Variants in DNM2 observed in about 807,000 individuals in gnomAD.
The protein encoded by DNM2 is dynamin-2.
DNM2 carries 15 observed loss-of-function variants against 99.0 expected under a neutral mutation model. The ratio of observed to expected loss-of-function variants is 0.15; its 90% CI spans 0.10 to 0.23. The LOEUF is 0.23. DNM2 is among the 10% of genes least tolerant of loss of function. The pLI is 1.00. For synonymous variants in DNM2, 525 were observed against 481.2 expected (o/e 1.09, Z -1.19); for missense variants, 742 against 1,189.4 (o/e 0.62, Z 5.53).
intron 1 of DNM2, among the ~76,000 whole-genome samples, chr19:10,723,200 T>C (rs1261520109): frequency 6.6e-6 from 1 of 150,792 alleles, no homozygotes; most frequent in East Asian, 2.0e-4. Flanking sequence ...AATGGCACGA[T>C]CTTGGCTCAC....
intron 1 of DNM2, among the ~76,000 whole-genome samples, chr19:10,721,642 C>G (rs949770174): frequency 8.5e-5 from 13 of 152,080 alleles, no homozygotes; most frequent in African/African-American, 3.1e-4. Flanking sequence ...CTCCAGGGCT[C>G]AAGCAATCCT....
At position 10,764,661 on chromosome 19, in the gene DNM2, G is replaced by C. The variant is rs2070738668; in HGVS notation, c.235+4850G>C. Among the ~76,000 whole-genome samples, 1 of 152,172 alleles carries C rather than the reference G, an allele frequency of 6.6e-6. No individual in the cohort carries two copies. The highest frequency in any genetic ancestry group is 2.1e-4 in the South Asian group (1 of 4,826). On this transcript the variant is annotated intron_variant, in intron 2 of 20. Transcript: ENST00000389253. The surrounding 1 kb of genome is among the most constrained non-coding windows in gnomAD (Gnocchi z 4.1). ...AGAGATGTCAGGACCTGGCTCCAGG[G>C]CTTCCCATTGGCCTCAGAATCAAAT... is the stretch of plus-strand genomic sequence containing the variant.
In DNM2 at chr19:10,795,023, T is replaced by G. The variant is rs1009741844; in HGVS notation, c.1129-349T>G. Among the ~76,000 whole-genome samples, 2 of 152,112 alleles carry G rather than the reference T, an allele frequency of 1.3e-5. No individual in the cohort carries two copies. The highest frequency in any genetic ancestry group is 2.9e-5 in the Non-Finnish European group (2 of 68,032). On this transcript the variant is annotated intron_variant, in intron 8 of 20. Coordinates refer to ENST00000389253, the MANE Select transcript of DNM2 (RefSeq NM_001005361.3). The surrounding 1 kb of genome is among the most constrained non-coding windows in gnomAD (Gnocchi z 4.2). ...CAGCTTCGACCTTCCTGGGCTCGGA[T>G]GATCCTCCCACCTCAGCCTCCCGAG...
In DNM2 at chr19:10,718,651, G is replaced by C. The variant is rs75654370; in HGVS notation, c.161+248G>C. 3.4e-3 allele frequency: 1,339 copies of C among 395,232 alleles called. 13 individuals are homozygous for C. The highest frequency in any genetic ancestry group is 0.026 in the African/African-American group (1,220 of 47,320). The allele number at this position is 395,232 out of a possible 1,614,324, so 24.5% of individuals were successfully genotyped here. A position where few individuals can be genotyped will look rare whatever the true frequency, so the allele number is the denominator to read the frequency against. On this transcript the variant is annotated intron_variant, in intron 1 of 20. Transcript: ENST00000389253. ...CAGGGCGCCGTAGGACAGGAGGTGC[G>C]CTGGAACCCTGCGGTCCATCTGGTC...
At chr19:10,748,885 G>C (rs1164826673) in intron 1 of DNM2, among the ~76,000 whole-genome samples, 1 of 152,202 alleles carries the variant, frequency 6.6e-6, no homozygotes, top group African/African-American at 2.4e-5. Context: ...GCTCTTATCA[G>C]AGTCCTGAGA....
chr19:10,824,774 A>G (rs965885326), intron 17 of DNM2: 11 of 468,062 alleles, frequency 2.4e-5, no homozygotes, highest in Non-Finnish European at 1.6e-5. Flanking sequence ...GTGCCACTGC[A>G]CTGCAGCCTG....
intron 1 of DNM2, among the ~76,000 whole-genome samples, chr19:10,749,256 G>A (rs1485466678): frequency 6.6e-6 from 1 of 152,220 alleles, no homozygotes; most frequent in Non-Finnish European, 1.5e-5. Context: ...CCTCATAGGG[G>A]CTGGAAGTCA....
intron 1 of DNM2, among the ~76,000 whole-genome samples, chr19:10,725,913 C>G (rs1301723960): frequency 6.6e-6 from 1 of 152,042 alleles, no homozygotes; most frequent in Non-Finnish European, 1.5e-5. Context: ...GCCACCACAC[C>G]TGGCTAATTA....
Position 10,831,033 on chromosome 19 carries a change from T to C in DNM2, c.2599T>C (p.Ser867Pro). The C allele has an allele frequency of 6.2e-7, 1 of 1,609,140 alleles. No individual in the cohort carries two copies. The highest frequency in any genetic ancestry group is 8.5e-7 in the Non-Finnish European group (1 of 1,178,016). The stretch of plus-strand genomic sequence containing the variant: ...CACCATTATCCGCCCAGCCGAGCCA[T>C]CCCTGCTCGACTAGGCCTCGAGGGG... ...RPTIIRPAEP[S>P]LLD The change falls in exon 21 of 21, where the codon TCC (serine) becomes CCC (proline). Residue 867 changes from serine (S) to proline (P), a missense_variant. Transcript: ENST00000389253. This position sits in a 1 kb window ranked among gnomAD's most constrained non-coding sequence, Gnocchi z 4.3.
chr19:10,823,654 A>G (rs2073054061), intron 16 of DNM2, 134 bp from the exon 17 acceptor site: 1 of 793,128 alleles, frequency 1.3e-6, no homozygotes, highest in Non-Finnish European at 2.2e-6. Context: ...ACCCCTCAGC[A>G]TGACCAGGTG....
chr19:10,753,346 G>C (rs2070265137), intron 1 of DNM2, among the ~76,000 whole-genome samples: 1 of 151,750 alleles, frequency 6.6e-6, no homozygotes, highest in African/African-American at 2.4e-5. Context: ...GGTTGTCTTA[G>C]TCACAAAGTA....
In DNM2 at chr19:10,830,432, CTCCT is replaced by C; in HGVS notation, c.2543+55_2543+58del. On this transcript the variant is annotated intron_variant, in intron 20 of 20. Coordinates refer to ENST00000389253, the MANE Select transcript of DNM2 (RefSeq NM_001005361.3). The surrounding 1 kb of genome is among the most constrained non-coding windows in gnomAD (Gnocchi z 4.8). ...AACTGCCTGCACCCTGGGGTCTCTCCTCCTGTCTCACTTCCTCCCAGTGAGCTCT... is the reference window on the plus strand; with the variant it reads ...AACTGCCTGCACCCTGGGGTCTCTCCGTCTCACTTCCTCCCAGTGAGCTCT... 6.3e-7 allele frequency: 1 copy of C among 1,583,010 alleles called. No individual in the cohort carries two copies. Among genetic ancestry groups the C allele is most frequent in the Non-Finnish European group, 8.6e-7 (1 of 1,165,422 alleles).
At chr19:10,738,086 A>G (rs1328618466) in intron 1 of DNM2, among the ~76,000 whole-genome samples, 1 of 152,008 alleles carries the variant, frequency 6.6e-6, no homozygotes, top group African/African-American at 2.4e-5. Context: ...GGAGACAAGC[A>G]TTAGTCTCAC....
intron 17 of DNM2, 120 bp from the exon 18 acceptor site, chr19:10,824,937 G>C: frequency 6.6e-7 from 1 of 1,521,514 alleles, no homozygotes; most frequent in South Asian, 1.1e-5. Flanking sequence ...GTGCCAGTGG[G>C]GCTGTCAGGG....
intron 7 of DNM2, among the ~76,000 whole-genome samples, chr19:10,787,262 C>T (rs567308676): frequency 4.0e-5 from 6 of 151,854 alleles, no homozygotes; most frequent in Admixed American, 2.6e-4. Flanking sequence ...GTCAGGAGAT[C>T]GAGACCATCC....
Position 10,718,157 on chromosome 19 carries a change from CG to C in DNM2, c.-84del. The C allele has an allele frequency of 7.9e-7, 1 of 1,266,488 alleles. No individual in the cohort carries two copies. Among genetic ancestry groups the C allele is most frequent in the Non-Finnish European group, 1.0e-6 (1 of 1,004,574 alleles). 78.5% of individuals were successfully genotyped at this position (1,266,488 alleles called of 1,614,324 possible). ...CGAGGCCCGGGCGGGCGGGGAGCAA[CG>C]GCTACAGACGCCGCGGGGCCAGGTC... On this transcript the variant is annotated 5_prime_UTR_variant, in exon 1 of 21. Coordinates refer to ENST00000389253, the MANE Select transcript of DNM2 (RefSeq NM_001005361.3).
rs1013691779 is a variant in DNM2, at chr19:10,758,916, A to G, written c.162-822A>G. Reference sequence around the variant, plus strand: ...ACATTCCGCGAAATCGATCCATTTCAGAATTAGTGGTCTTTAGTCATTTTA... The same window carrying G: ...ACATTCCGCGAAATCGATCCATTTCGGAATTAGTGGTCTTTAGTCATTTTA... On this transcript the variant is annotated intron_variant, in intron 1 of 20. Coordinates refer to ENST00000389253, the MANE Select transcript of DNM2 (RefSeq NM_001005361.3). 2.0e-5 allele frequency among the ~76,000 whole-genome samples: 3 copies of G among 152,138 alleles called. No homozygotes were observed. In the East Asian group the frequency reaches 5.8e-4, roughly 29 times the overall value.
At chr19:10,725,079 T>C (rs184153955) in intron 1 of DNM2, among the ~76,000 whole-genome samples, 1 of 152,306 alleles carries the variant, frequency 6.6e-6, no homozygotes, top group East Asian at 1.9e-4. Context: ...ATCTTATTAG[T>C]TTAGAGCCAC....
At chr19:10,786,470 C>T (rs748821270) in intron 6 of DNM2, 94 bp from the exon 7 acceptor site, 147 of 1,594,524 alleles carry the variant, frequency 9.2e-5, no homozygotes, top group Non-Finnish European at 1.2e-4. Flanking sequence ...ATAGTGGCAC[C>T]CTGGTGTTGG....
Sources: gnomAD v4.1 joint callset for allele counts (sites outside exome capture counted in the v4.1 genomes callset) on GRCh38, gnomAD v4.1.1 for gene constraint, Gnocchi (gnomAD v3.1) non-coding constraint, MANE v1.5 for transcripts, NCBI Gene and HGNC (gene_info 2026-07-23, HGNC 2026-07-21) for gene names.